The following ZNHIT6 variants were observed in gnomAD, a reference collection of about 807,000 sequenced individuals.
ZNHIT6 encodes box C/D snoRNA protein 1.
Under a neutral mutation model 57.2 loss-of-function variants are expected in ZNHIT6, and 45 were observed. The ratio of observed to expected loss-of-function variants is 0.79; its 90% CI spans 0.62 to 1.01. ZNHIT6 has a LOEUF of 1.01. ZNHIT6 is among the 50% of genes least tolerant of loss of function. The probability of loss-of-function intolerance (pLI) is 0.00; values close to 1 mark genes in which losing one functional copy is unlikely to be tolerated. For missense variants in ZNHIT6, 528 were observed against 567.3 expected (o/e 0.93, Z 0.70); for synonymous variants, 188 against 190.0 (o/e 0.99, Z 0.09).
chr1:85,701,796 G>C (rs1386103235), intron 5 of ZNHIT6, among the ~76,000 whole-genome samples: 2 of 152,132 alleles, frequency 1.3e-5, no homozygotes, highest in African/African-American at 4.8e-5. Flanking sequence ...CTCAAACAAT[G>C]AGCATCATTG....
intron 5 of ZNHIT6, among the ~76,000 whole-genome samples, chr1:85,685,211 G>A: frequency 6.6e-6 from 1 of 151,778 alleles, no homozygotes; most frequent in East Asian, 1.9e-4. Context: ...GGAAATAATT[G>A]GTCAAGTAAT....
At chr1:85,683,836 TCTTTGCAAAGGACTTGGTCCTTTGCA>T (rs1050226768) in intron 5 of ZNHIT6, among the ~76,000 whole-genome samples, 1 of 152,024 alleles carries the variant, frequency 6.6e-6, no homozygotes, top group African/African-American at 2.4e-5. Flanking sequence ...ACTAGATAAT[TCTTTGCAAAGGACTTGGTCCTTTGCA>T]CTGCAGGACG....
chr1:85,674,017 C>G (rs1470669119), intron 8 of ZNHIT6, among the ~76,000 whole-genome samples: 3 of 152,124 alleles, frequency 2.0e-5, no homozygotes, highest in African/African-American at 7.2e-5. Flanking sequence ...ATGCCCTATG[C>G]CAATTTAGGT....
At chr1:85,679,411 C>G (rs114070246) in intron 6 of ZNHIT6, among the ~76,000 whole-genome samples, 2,970 of 152,034 alleles carry the variant, frequency 0.02, 98 homozygotes, top group African/African-American at 0.066. Flanking sequence ...GTATGCAACT[C>G]CAAATAACAA....
At chr1:85,677,194 A>G in intron 8 of ZNHIT6, 42 bp downstream of exon 8, 1 of 1,467,396 alleles carries the variant, frequency 6.8e-7, no homozygotes, top group Non-Finnish European at 9.3e-7. Flanking sequence ...ATATTACAGA[A>G]CTAAAAAATA....
chr1:85,675,952 TAGCTCTGGATTA>T (rs1295234051), intron 8 of ZNHIT6, among the ~76,000 whole-genome samples: 6 of 152,232 alleles, frequency 3.9e-5, no homozygotes, highest in Non-Finnish European at 8.8e-5. Context: ...AGTTAGGGCC[TAGCTCTGGATTA>T]GGCTTTGGCT....
intron 8 of ZNHIT6, 27 bp from the exon 9 acceptor site, chr1:85,657,998 C>T (rs1661109823): frequency 1.5e-6 from 2 of 1,371,012 alleles, no homozygotes; most frequent in East Asian, 4.8e-5. Context: ...AACAAAAAAC[C>T]AGGAAACACT....
chr1:85,652,011 C>CTT lies in ZNHIT6; in HGVS notation c.*2046_*2047insAA, dbSNP rs1288037901. On this transcript the variant is annotated 3_prime_UTR_variant, in exon 10 of 10. Transcript: ENST00000370574. ...TCCTAATAGCCTATAATTGAAAAGT[C>CTT]TAATAGAATTCTAGAAAATAAAGAT... 3 of 152,116 alleles carry CTT rather than the reference C, an allele frequency of 2.0e-5. No individual in the cohort carries two copies. Among genetic ancestry groups the CTT allele is most frequent in the African/African-American group, 7.2e-5 (3 of 41,420 alleles). 9.4% of individuals were successfully genotyped at this position (152,116 alleles called of 1,614,324 possible).
At chr1:85,656,197 G>A (rs1390103992) in intron 9 of ZNHIT6, among the ~76,000 whole-genome samples, 1 of 152,126 alleles carries the variant, frequency 6.6e-6, no homozygotes, top group Non-Finnish European at 1.5e-5. Context: ...GAAGACCTGG[G>A]CATTACTTTT....
chr1:85,671,504 G>A (rs1297401786), intron 8 of ZNHIT6, among the ~76,000 whole-genome samples: 2 of 151,642 alleles, frequency 1.3e-5, no homozygotes, highest in Non-Finnish European at 2.9e-5. Flanking sequence ...AAAAGAAGCT[G>A]TTAAACAAAT....
At chr1:85,704,517 T>C (rs1380202762) in intron 4 of ZNHIT6, among the ~76,000 whole-genome samples, 1 of 152,110 alleles carries the variant, frequency 6.6e-6, no homozygotes, top group Non-Finnish European at 1.5e-5. Flanking sequence ...TAGATTGGGG[T>C]GGTAGTTAAA....
chr1:85,686,121 C>A (rs968466966), intron 5 of ZNHIT6, among the ~76,000 whole-genome samples: 2 of 151,780 alleles, frequency 1.3e-5, no homozygotes, highest in Non-Finnish European at 2.9e-5. Context: ...GCCACCACAC[C>A]TGATTAATTC....
At chr1:85,697,554 T>C (rs1363292556) in intron 5 of ZNHIT6, among the ~76,000 whole-genome samples, 1 of 152,194 alleles carries the variant, frequency 6.6e-6, no homozygotes, top group Non-Finnish European at 1.5e-5. Context: ...AAATATACTA[T>C]TTATTTTCTA....
At chr1:85,690,657 T>C (rs933784533) in intron 5 of ZNHIT6, among the ~76,000 whole-genome samples, 1 of 152,268 alleles carries the variant, frequency 6.6e-6, no homozygotes, top group Middle Eastern at 3.4e-3. Context: ...AATAAGGTCA[T>C]TGACTTATAG....
intron 5 of ZNHIT6, among the ~76,000 whole-genome samples, chr1:85,701,042 A>C (rs1662516876): frequency 6.6e-6 from 1 of 152,222 alleles, no homozygotes; most frequent in African/African-American, 2.4e-5. Context: ...CCTGGCCTCA[A>C]GGGATCCACC....
At chr1:85,673,253 G>A (rs1035829306) in intron 8 of ZNHIT6, among the ~76,000 whole-genome samples, 2 of 152,164 alleles carry the variant, frequency 1.3e-5, no homozygotes, top group African/African-American at 2.4e-5. Flanking sequence ...ACTGTTTGCT[G>A]AATGAATAAG....
chr1:85,707,625 C>T lies in ZNHIT6; in HGVS notation c.656+4G>A. 1 of 1,540,612 alleles carries T rather than the reference C, an allele frequency of 6.5e-7. No homozygotes were observed. Among genetic ancestry groups the T allele is most frequent in the Non-Finnish European group, 8.7e-7 (1 of 1,148,678 alleles). Reference sequence around the variant, plus strand: ...TCCCCTAAATGGAATCCCCCATGCCCTACCTTGACATGGCCAGTTTCCGCT... The same window carrying T: ...TCCCCTAAATGGAATCCCCCATGCCTTACCTTGACATGGCCAGTTTCCGCT... On this transcript the variant is annotated splice_donor_region_variant and intron_variant, in intron 1 of 9. Coordinates refer to ENST00000370574, the MANE Select transcript of ZNHIT6 (RefSeq NM_017953.4).
chr1:85,663,864 A>G (rs1211717708), intron 8 of ZNHIT6, among the ~76,000 whole-genome samples: 1 of 152,170 alleles, frequency 6.6e-6, no homozygotes, highest in Non-Finnish European at 1.5e-5. Context: ...TGTTGAATAT[A>G]GGCCCCCAAA....
At chr1:85,681,511 A>G (rs557977552) in intron 5 of ZNHIT6, among the ~76,000 whole-genome samples, 1 of 152,326 alleles carries the variant, frequency 6.6e-6, no homozygotes, top group South Asian at 2.1e-4. Flanking sequence ...CTTCTTTAAA[A>G]ATTCTAATGC....
Sources: gnomAD v4.1 joint callset for allele counts (sites outside exome capture counted in the v4.1 genomes callset) on GRCh38, gnomAD v4.1.1 for gene constraint, MANE v1.5 for transcripts, NCBI Gene and HGNC (gene_info 2026-07-23, HGNC 2026-07-21) for gene names.